Variants in MLLT10 observed in about 807,000 individuals in gnomAD.
MLLT10 encodes the protein MLLT10 histone lysine methyltransferase DOT1L cofactor.
Under a neutral mutation model 129.1 loss-of-function variants are expected in MLLT10, and 30 were observed. The observed-to-expected ratio is 0.23, with a 90% CI of 0.17 to 0.32. MLLT10 has a LOEUF of 0.32. Among genes scored for constraint, MLLT10 ranks in the 10% least tolerant of loss-of-function variants. The pLI is 1.00. For synonymous variants in MLLT10, 490 were observed against 446.4 expected (o/e 1.10, Z -1.23); for missense variants, 1,119 against 1,268.3 (o/e 0.88, Z 1.79).
chr10:21,538,829 A>G lies in MLLT10; in HGVS notation c.161-4A>G, dbSNP rs2034567252. On this transcript the variant is annotated splice_region_variant and splice_polypyrimidine_tract_variant and intron_variant, in intron 2 of 22. Transcript: ENST00000307729. ...ACATTTTAACACATTTCATTTTTCA[A>G]CAGCTTGCTATGGCATTGTTCAAGT... The G allele has an allele frequency of 6.2e-7, 1 of 1,606,348 alleles. No individual in the cohort carries two copies. The highest frequency in any genetic ancestry group is 1.7e-5 in the Admixed American group (1 of 59,022).
chr10:21,618,744 G>A (rs542992053), intron 8 of MLLT10, among the ~76,000 whole-genome samples: 4 of 151,456 alleles, frequency 2.6e-5, no homozygotes, highest in African/African-American at 7.3e-5. Flanking sequence ...AACGATTCTC[G>A]TGTCTCAGCC....
chr10:21,652,655 C>T (rs937335721), intron 9 of MLLT10, among the ~76,000 whole-genome samples: 4 of 152,064 alleles, frequency 2.6e-5, no homozygotes, highest in African/African-American at 4.8e-5. Flanking sequence ...CTGTATAAAC[C>T]AGTGTAAGGA....
chr10:21,627,907 T>C (rs918511110), intron 8 of MLLT10, among the ~76,000 whole-genome samples: 3 of 152,256 alleles, frequency 2.0e-5, no homozygotes, highest in Non-Finnish European at 4.4e-5. Flanking sequence ...TGTTAAATTA[T>C]GCAACTCATT....
At chr10:21,587,250 AAAAAAT>A (rs1234332308) in intron 4 of MLLT10, among the ~76,000 whole-genome samples, 6 of 151,794 alleles carry the variant, frequency 4.0e-5, no homozygotes, top group African/African-American at 1.4e-4. Flanking sequence ...AAGTAAATAT[AAAAAAT>A]AAAAATAAAA....
At chr10:21,689,866 T>C (rs958851505) in intron 13 of MLLT10, among the ~76,000 whole-genome samples, 6 of 151,652 alleles carry the variant, frequency 4.0e-5, no homozygotes, top group African/African-American at 1.5e-4. Context: ...AGTAACCCAA[T>C]AGTTTTTTGT....
At chr10:21,547,531 T>G (rs2036291880) in intron 3 of MLLT10, among the ~76,000 whole-genome samples, 2 of 151,900 alleles carry the variant, frequency 1.3e-5, no homozygotes, top group South Asian at 4.1e-4. Context: ...TTTTTTCTTT[T>G]TTTTTTTTGG....
chr10:21,687,296 T>A (rs2053402597), intron 13 of MLLT10, among the ~76,000 whole-genome samples: 1 of 152,210 alleles, frequency 6.6e-6, no homozygotes, highest in Non-Finnish European at 1.5e-5. Flanking sequence ...AAACTGAATT[T>A]TTGTCCTTCA....
At chr10:21,574,911 C>T (rs1056263227) in intron 3 of MLLT10, among the ~76,000 whole-genome samples, 5 of 152,104 alleles carry the variant, frequency 3.3e-5, no homozygotes, top group African/African-American at 1.2e-4. Flanking sequence ...TGTCTTGTAT[C>T]TTGTGCCAGC....
At chr10:21,612,497 C>G (rs1224242481) in intron 6 of MLLT10, 46 bp downstream of exon 6, 1 of 1,188,950 alleles carries the variant, frequency 8.4e-7, no homozygotes. Flanking sequence ...TGGTAAATAC[C>G]TTGTGTAACA....
At chr10:21,713,369 C>CTACT (rs1419016028) in intron 13 of MLLT10, among the ~76,000 whole-genome samples, 16 of 152,310 alleles carry the variant, frequency 1.1e-4, no homozygotes, top group Admixed American at 3.3e-4. Flanking sequence ...TTCAGACTTC[C>CTACT]TCAGTGATGA....
At chr10:21,552,803 T>C (rs2037302230) in intron 3 of MLLT10, among the ~76,000 whole-genome samples, 1 of 152,152 alleles carries the variant, frequency 6.6e-6, no homozygotes, top group Non-Finnish European at 1.5e-5. Context: ...CTTCTTCCTC[T>C]TCTTTCCGTC....
chr10:21,564,829 A>G (rs1564420690), intron 3 of MLLT10, among the ~76,000 whole-genome samples: 1 of 152,012 alleles, frequency 6.6e-6, no homozygotes, highest in Non-Finnish European at 1.5e-5. Context: ...CATCTCAAAA[A>G]AAAAAAAAAA....
intron 9 of MLLT10, among the ~76,000 whole-genome samples, chr10:21,664,781 TA>T (rs1037294698): frequency 2.6e-5 from 4 of 152,138 alleles, no homozygotes; most frequent in Non-Finnish European, 5.9e-5. Flanking sequence ...TCTTGATGAG[TA>T]AGCCACTGTA....
intron 14 of MLLT10, among the ~76,000 whole-genome samples, chr10:21,717,689 C>CCTCCTCCTCT (rs2056770714): frequency 9.8e-6 from 1 of 102,248 alleles, no homozygotes; most frequent in African/African-American, 5.6e-5. Context: ...CCTCCTCCTC[C>CCTCCTCCTCT]TCCTCCTCCT....
chr10:21,539,887 G>A (rs2034791884), intron 3 of MLLT10, among the ~76,000 whole-genome samples: 1 of 152,040 alleles, frequency 6.6e-6, no homozygotes, highest in Non-Finnish European at 1.5e-5. Flanking sequence ...GGAGGTTGCA[G>A]TGAGCTGAGA....
rs762174460 is a variant in MLLT10 at position 21,733,882 on chromosome 10, A to G, written c.2611A>G (p.Asn871Asp). 6.2e-7 allele frequency: 1 copy of G among 1,614,168 alleles called. No homozygotes were observed. The highest frequency in any genetic ancestry group is 1.1e-5 in the South Asian group (1 of 91,078). The change falls in exon 20 of 23, where the codon AAT (asparagine) becomes GAT (aspartate). Residue 871 changes from asparagine to aspartate, a missense_variant. Physicochemically the swap from Asn to Asp is conservative, Grantham distance 23. Transcript: ENST00000307729. Reference protein sequence around the residue: ...GSGVSGVQQVNGVTVGALASG... With the variant: ...GSGVSGVQQVDGVTVGALASG... ...AGGAGTGAGTGGAGTTCAGCAGGTC[A>G]ATGGCGTGACAGTGGGGGCACTAGC...
intron 20 of MLLT10, among the ~76,000 whole-genome samples, chr10:21,734,429 G>T (rs1194938550): frequency 2.0e-5 from 3 of 152,108 alleles, no homozygotes; most frequent in Non-Finnish European, 4.4e-5. Flanking sequence ...AAATTCTGAA[G>T]AAAGATATCG....
Position 21,721,164 on chromosome 10 carries a change from A to C in MLLT10, c.1879-5080A>C, listed in dbSNP as rs1221702067. Among the ~76,000 whole-genome samples, 3 of 152,108 alleles carry C rather than the reference A, an allele frequency of 2.0e-5. No individual in the cohort carries two copies. The East Asian group carries it at 5.8e-4, about 29-fold the overall frequency. On this transcript the variant is annotated intron_variant, in intron 14 of 22. Coordinates refer to ENST00000307729, the MANE Select transcript of MLLT10 (RefSeq NM_001195626.3). Reference sequence around the variant, plus strand: ...AGCTAGTTTAGAGCTTTTTTGAATCACTTGACTTTAATGTTTATTGACAGG... The same window carrying C: ...AGCTAGTTTAGAGCTTTTTTGAATCCCTTGACTTTAATGTTTATTGACAGG...
intron 9 of MLLT10, among the ~76,000 whole-genome samples, chr10:21,664,683 C>CTA (rs1330566726): frequency 6.6e-6 from 1 of 152,012 alleles, no homozygotes; most frequent in African/African-American, 2.4e-5. Flanking sequence ...ATTAAGTTTT[C>CTA]TATATCCTTA....
Sources: allele counts gnomAD v4.1 joint callset (sites outside exome capture counted in the v4.1 genomes callset), GRCh38; gene constraint gnomAD v4.1.1; transcripts MANE v1.5; gene names NCBI Gene and HGNC (gene_info 2026-07-23, HGNC 2026-07-21).